TAOK1: variants seen among roughly 807,000 people sequenced by gnomAD.
The protein encoded by TAOK1 is TAO kinase 1, also known as serine/threonine-protein kinase TAO1.
In TAOK1, 21 loss-of-function variants were observed where a neutral mutation model predicts 138.3. The ratio of observed to expected loss-of-function variants is 0.15; its 90% CI spans 0.11 to 0.22. The LOEUF (loss-of-function observed/expected upper bound fraction) is 0.22. Among genes scored for constraint, TAOK1 ranks in the 10% least tolerant of loss-of-function variants. The pLI is 1.00. For missense variants in TAOK1, 651 were observed against 1,227.7 expected (o/e 0.53, Z 7.02); for synonymous variants, 361 against 398.4 (o/e 0.91, Z 1.12).
At chr17:29,452,217 A>AAAATAAAT (rs947602615) in intron 2 of TAOK1, among the ~76,000 whole-genome samples, 1 of 152,138 alleles carries the variant, frequency 6.6e-6, no homozygotes, top group Non-Finnish European at 1.5e-5. Flanking sequence ...CCTGTCACAA[A>AAAATAAAT]AAATAAATAA....
intron 11 of TAOK1, 88 bp downstream of exon 11, chr17:29,495,815 A>G (rs2031401872): frequency 7.7e-6 from 9 of 1,172,742 alleles, no homozygotes; most frequent in Non-Finnish European, 9.1e-6. Flanking sequence ...TTTACCTTAT[A>G]TACCAAGGGT....
chr17:29,396,126 G>A (rs1349009698), intron 1 of TAOK1, among the ~76,000 whole-genome samples: 2 of 152,146 alleles, frequency 1.3e-5, no homozygotes, highest in Middle Eastern at 3.4e-3. Flanking sequence ...CATTAAAGAT[G>A]TCTCATACCT....
intron 1 of TAOK1, among the ~76,000 whole-genome samples, chr17:29,436,149 A>G (rs1214240218): frequency 1.3e-5 from 2 of 152,206 alleles, no homozygotes; most frequent in African/African-American, 4.8e-5. Flanking sequence ...ATAAGTAAAA[A>G]ATGTTTTAAA....
At chr17:29,425,593 G>A (rs1905609947) in intron 1 of TAOK1, among the ~76,000 whole-genome samples, 1 of 152,118 alleles carries the variant, frequency 6.6e-6, no homozygotes, top group African/African-American at 2.4e-5. Flanking sequence ...GTAGGAGGAT[G>A]GCTTGAGCCT....
At chr17:29,488,635 A>AT (rs533057406) in intron 8 of TAOK1, among the ~76,000 whole-genome samples, 16 of 150,382 alleles carry the variant, frequency 1.1e-4, no homozygotes, top group Admixed American at 8.0e-4. Flanking sequence ...TGTTAAAACA[A>AT]TTTTTTTTCG....
chr17:29,423,741 C>G (rs1189192502), intron 1 of TAOK1, among the ~76,000 whole-genome samples: 1 of 124,356 alleles, frequency 8.0e-6, no homozygotes, highest in African/African-American at 3.1e-5. Context: ...GAATTTAATT[C>G]TTTATTTATT....
chr17:29,470,608 T>G (rs2030791981), intron 3 of TAOK1, among the ~76,000 whole-genome samples: 1 of 152,172 alleles, frequency 6.6e-6, no homozygotes, highest in Non-Finnish European at 1.5e-5. Flanking sequence ...ACATGATTGG[T>G]GTATGGTTGT....
intron 16 of TAOK1, 99 bp from the exon 17 acceptor site, chr17:29,522,181 G>A: frequency 1.4e-6 from 2 of 1,447,532 alleles, no homozygotes; most frequent in Non-Finnish European, 1.9e-6. Context: ...GAATAACAGG[G>A]TTAATTACAT....
At chr17:29,413,624 C>A (rs1026137775) in intron 1 of TAOK1, among the ~76,000 whole-genome samples, 4 of 151,996 alleles carry the variant, frequency 2.6e-5, no homozygotes, top group African/African-American at 4.8e-5. Flanking sequence ...CAAAAATAAC[C>A]ATTTTAAAGT....
intron 10 of TAOK1, among the ~76,000 whole-genome samples, chr17:29,495,118 G>A (rs900150026): frequency 2.6e-5 from 4 of 152,030 alleles, no homozygotes; most frequent in Admixed American, 6.5e-5. Context: ...TATTGTTCAC[G>A]CAGCATATAA....
chr17:29,524,624 C>CT (rs1349631899), intron 17 of TAOK1, among the ~76,000 whole-genome samples: 1 of 152,192 alleles, frequency 6.6e-6, no homozygotes, highest in Non-Finnish European at 1.5e-5. Flanking sequence ...TTAGGTGTAT[C>CT]TATTTACTTA....
intron 3 of TAOK1, among the ~76,000 whole-genome samples, chr17:29,471,163 T>TATATAG (rs775134526): frequency 5.1e-4 from 76 of 149,738 alleles, no homozygotes; most frequent in Middle Eastern, 3.4e-3. Context: ...ATCTAAAAAA[T>TATATAG]ATATATATAT....
chr17:29,464,389 A>G (rs1202081284), intron 2 of TAOK1, among the ~76,000 whole-genome samples: 2 of 151,078 alleles, frequency 1.3e-5, no homozygotes, highest in Admixed American at 1.3e-4. Flanking sequence ...GTTTGCAGTG[A>G]GCCAAGATCG....
At chr17:29,410,505 G>A (rs900810724) in intron 1 of TAOK1, among the ~76,000 whole-genome samples, 8 of 151,582 alleles carry the variant, frequency 5.3e-5, no homozygotes, top group Non-Finnish European at 1.2e-4. Flanking sequence ...CGCCCGCCTC[G>A]GCCTCCCAAA....
intron 1 of TAOK1, among the ~76,000 whole-genome samples, chr17:29,410,417 AT>A (rs1295741823): frequency 1.3e-5 from 2 of 151,430 alleles, no homozygotes; most frequent in South Asian, 4.2e-4. Context: ...CGCCTGGCTA[AT>A]TTTTTTGTAT....
intron 1 of TAOK1, among the ~76,000 whole-genome samples, chr17:29,419,355 C>G (rs1369862940): frequency 6.6e-6 from 1 of 152,066 alleles, no homozygotes; most frequent in Non-Finnish European, 1.5e-5. Flanking sequence ...TGCCACCACA[C>G]CCGACTAATT....
intron 2 of TAOK1, among the ~76,000 whole-genome samples, chr17:29,453,360 C>T (rs111264877): frequency 0.054 from 8,133 of 151,738 alleles, 700 homozygotes; most frequent in African/African-American, 0.19. Context: ...AGCGTTTCAC[C>T]GTGTTAGCCA....
At chr17:29,453,801 G>GTTTT (rs151078375) in intron 2 of TAOK1, among the ~76,000 whole-genome samples, 1 of 141,788 alleles carries the variant, frequency 7.1e-6, no homozygotes, top group Non-Finnish European at 1.5e-5. Context: ...ATTCACTTAG[G>GTTTT]TTTTTTTGTT....
intron 7 of TAOK1, among the ~76,000 whole-genome samples, chr17:29,481,422 C>A (rs183970980): frequency 1.0e-3 from 158 of 151,870 alleles, no homozygotes; most frequent in Non-Finnish European, 1.9e-3. Flanking sequence ...GAACTTCTGA[C>A]CTCGTGATCT....
Sources: allele counts gnomAD v4.1 joint callset (sites outside exome capture counted in the v4.1 genomes callset), GRCh38; gene constraint gnomAD v4.1.1; transcripts MANE v1.5; gene names NCBI Gene and HGNC (gene_info 2026-07-23, HGNC 2026-07-21).